CNTNAP5: variants seen among roughly 807,000 people sequenced by gnomAD.
CNTNAP5 encodes the protein contactin-associated protein-like 5.
CNTNAP5 carries 72 observed loss-of-function variants against 150.2 expected under a neutral mutation model. That is an observed-to-expected ratio of 0.48 (90% CI 0.40 to 0.58). The LOEUF (loss-of-function observed/expected upper bound fraction) is 0.58, where lower values mean the gene tolerates loss of function less well. Among genes scored for constraint, CNTNAP5 ranks in the 20% least tolerant of loss-of-function variants. The probability of loss-of-function intolerance (pLI) is 0.00; values close to 1 mark genes in which losing one functional copy is unlikely to be tolerated. For missense variants in CNTNAP5, 1,636 were observed against 1,626.2 expected (o/e 1.01, Z -0.10); for synonymous variants, 672 against 619.8 (o/e 1.08, Z -1.25).
intron 5 of CNTNAP5, among the ~76,000 whole-genome samples, chr2:124,438,268 G>A (rs1239322745): frequency 6.6e-6 from 1 of 152,118 alleles, no homozygotes; most frequent in Non-Finnish European, 1.5e-5. Context: ...GGTTAGATAT[G>A]TTTCCTTTCT....
intron 10 of CNTNAP5, among the ~76,000 whole-genome samples, chr2:124,556,654 G>T (rs1695761775): frequency 1.3e-5 from 2 of 152,056 alleles, no homozygotes; most frequent in African/African-American, 4.8e-5. Flanking sequence ...GGAGCATCGG[G>T]GTGGGGTGAT....
At chr2:124,274,775 C>T (rs1246782126) in intron 3 of CNTNAP5, among the ~76,000 whole-genome samples, 2 of 152,080 alleles carry the variant, frequency 1.3e-5, no homozygotes, top group Non-Finnish European at 2.9e-5. Flanking sequence ...TTGTCTGCTC[C>T]AGTGTTGCTG....
intron 1 of CNTNAP5, among the ~76,000 whole-genome samples, chr2:124,078,009 A>G (rs1682477866): frequency 6.6e-6 from 1 of 152,218 alleles, no homozygotes; most frequent in African/African-American, 2.4e-5. Flanking sequence ...CAAATGTGTT[A>G]TTTGTTGAGT....
intron 3 of CNTNAP5, 162 bp downstream of exon 3, chr2:124,242,555 G>T (rs1227910218): frequency 4.7e-6 from 3 of 639,800 alleles, no homozygotes; most frequent in Non-Finnish European, 7.8e-6. Flanking sequence ...GCCCGGCATG[G>T]TTCTACTTCC....
intron 3 of CNTNAP5, among the ~76,000 whole-genome samples, chr2:124,346,251 G>A (rs1335243501): frequency 3.3e-5 from 5 of 152,312 alleles, no homozygotes; most frequent in Middle Eastern, 3.4e-3. Flanking sequence ...GCACTGGAGA[G>A]GTAACTGTCA....
At chr2:124,288,176 A>T (rs938255547) in intron 3 of CNTNAP5, among the ~76,000 whole-genome samples, 4 of 152,146 alleles carry the variant, frequency 2.6e-5, no homozygotes, top group African/African-American at 9.6e-5. Flanking sequence ...GTGATCCTCT[A>T]GCCTTGGTCT....
chr2:124,898,873 A>G (rs1678360715), intron 21 of CNTNAP5, among the ~76,000 whole-genome samples: 1 of 151,498 alleles, frequency 6.6e-6, no homozygotes, highest in Non-Finnish European at 1.5e-5. Context: ...CCTCCTCCTA[A>G]CAGTATGCTT....
chr2:124,898,772 A>C (rs1473929703), intron 21 of CNTNAP5, among the ~76,000 whole-genome samples: 1 of 151,468 alleles, frequency 6.6e-6, no homozygotes, highest in Non-Finnish European at 1.5e-5. Context: ...GTTGAGGGGC[A>C]CTGAAGCCAG....
chr2:124,447,369 T>C (rs1013560963), intron 6 of CNTNAP5, among the ~76,000 whole-genome samples: 1 of 152,224 alleles, frequency 6.6e-6, no homozygotes, highest in African/African-American at 2.4e-5. Context: ...ATTCTTCCGA[T>C]GCAAGCTTTT....
intron 18 of CNTNAP5, among the ~76,000 whole-genome samples, chr2:124,791,628 G>A (rs1681730553): frequency 6.6e-6 from 1 of 150,782 alleles, no homozygotes; most frequent in South Asian, 2.1e-4. Flanking sequence ...AGACCTCTCT[G>A]CATTTCTCTG....
intron 3 of CNTNAP5, among the ~76,000 whole-genome samples, chr2:124,249,351 A>G (rs1687112857): frequency 6.6e-6 from 1 of 152,118 alleles, no homozygotes; most frequent in South Asian, 2.1e-4. Flanking sequence ...CAGATCCAGG[A>G]TTTAATCAAC....
intron 18 of CNTNAP5, among the ~76,000 whole-genome samples, chr2:124,797,540 A>G (rs1212467253): frequency 6.6e-6 from 1 of 152,126 alleles, no homozygotes; most frequent in Non-Finnish European, 1.5e-5. Context: ...TTGTCCATAA[A>G]TTTCTTATTT....
chr2:124,058,002 A>G (rs1349501562), intron 1 of CNTNAP5, among the ~76,000 whole-genome samples: 1 of 152,144 alleles, frequency 6.6e-6, no homozygotes, highest in Non-Finnish European at 1.5e-5. Flanking sequence ...TTTTTTAAAA[A>G]TTAAAAAATA....
chr2:124,211,124 G>A (rs2104724571), intron 1 of CNTNAP5, among the ~76,000 whole-genome samples: 1 of 152,248 alleles, frequency 6.6e-6, no homozygotes, highest in East Asian at 1.9e-4. Context: ...AAACAACACA[G>A]CTCTTGGTAC....
intron 1 of CNTNAP5, among the ~76,000 whole-genome samples, chr2:124,121,019 C>T (rs1412611010): frequency 6.6e-6 from 1 of 152,080 alleles, no homozygotes. Context: ...AACTGTTCAT[C>T]TGTATAACAG....
intron 18 of CNTNAP5, among the ~76,000 whole-genome samples, chr2:124,794,288 A>G (rs1681797812): frequency 6.6e-6 from 1 of 152,174 alleles, no homozygotes; most frequent in Admixed American, 6.5e-5. Flanking sequence ...CTGGTTGTGT[A>G]CCTCAACCTC....
chr2:124,526,575 G>A (rs1033722211), intron 9 of CNTNAP5, among the ~76,000 whole-genome samples: 4 of 152,184 alleles, frequency 2.6e-5, no homozygotes, highest in African/African-American at 9.7e-5. Context: ...CTGTCTTAAT[G>A]AGAAGTAGAT....
intron 13 of CNTNAP5, among the ~76,000 whole-genome samples, chr2:124,649,521 A>G (rs1324766886): frequency 6.6e-6 from 1 of 152,126 alleles, no homozygotes; most frequent in Non-Finnish European, 1.5e-5. Flanking sequence ...CTTTTAGGAT[A>G]CGCACTCCGT....
At chr2:124,826,314 CTT>C (rs1682591753) in intron 19 of CNTNAP5, among the ~76,000 whole-genome samples, 1 of 152,014 alleles carries the variant, frequency 6.6e-6, no homozygotes, top group African/African-American at 2.4e-5. Context: ...CACAGCCTTT[CTT>C]AGTGTCAGAT....
Sources: allele counts gnomAD v4.1 joint callset (sites outside exome capture counted in the v4.1 genomes callset), GRCh38; gene constraint gnomAD v4.1.1; transcripts MANE v1.5; gene names NCBI Gene and HGNC (gene_info 2026-07-23, HGNC 2026-07-21).